SLC12A4: variants seen among roughly 807,000 people sequenced by gnomAD.
SLC12A4 encodes the protein electroneutral potassium-chloride cotransporter 1.
Under a neutral mutation model 119.2 loss-of-function variants are expected in SLC12A4, and 84 were observed. The ratio of observed to expected loss-of-function variants is 0.70; its 90% CI spans 0.59 to 0.85. The LOEUF (loss-of-function observed/expected upper bound fraction) is 0.85, where lower values mean the gene tolerates loss of function less well. Ranked by LOEUF, SLC12A4 falls within the 40% of genes least tolerant of loss-of-function variation. The probability of loss-of-function intolerance (pLI) is 0.00; values close to 1 mark genes in which losing one functional copy is unlikely to be tolerated. For missense variants in SLC12A4, 1,298 were observed against 1,476.3 expected (o/e 0.88, Z 1.98); for synonymous variants, 599 against 604.6 (o/e 0.99, Z 0.14).
Position 67,944,393 on chromosome 16 carries a change from G to C in SLC12A4, c.*447C>G. ...AGCTCAGCTGTCTCCATTCGGCTCA[G>C]CTTGGTGGGGGGCCCTGCCCATAGT... On this transcript the variant is annotated 3_prime_UTR_variant, in exon 24 of 24. Transcript: ENST00000316341. This position sits in a 1 kb window ranked among gnomAD's most constrained non-coding sequence, Gnocchi z 6.6. The C allele has an allele frequency of 7.6e-7, 1 of 1,318,344 alleles. No homozygotes were observed. The highest frequency in any genetic ancestry group is 9.7e-7 in the Non-Finnish European group (1 of 1,033,914). The allele number at this position is 1,318,344 out of a possible 1,614,324, so 81.7% of individuals were successfully genotyped here. A position where few individuals can be genotyped will look rare whatever the true frequency, so the allele number is the denominator to read the frequency against.
intron 3 of SLC12A4, among the ~76,000 whole-genome samples, chr16:67,959,762 T>A (rs553731678): frequency 6.6e-6 from 1 of 152,294 alleles, no homozygotes; most frequent in South Asian, 2.1e-4. Context: ...GCTTTCTGCA[T>A]CCCCAAATAA....
chr16:67,953,846 A>G (rs60981850), intron 6 of SLC12A4, among the ~76,000 whole-genome samples: 8,352 of 152,316 alleles, frequency 0.055, 663 homozygotes, highest in African/African-American at 0.18. Flanking sequence ...GTAAATATCC[A>G]GAAGTCCATA....
chr16:67,967,418 GCTGTGAGAAT>G, intron 1 of SLC12A4, among the ~76,000 whole-genome samples: 1 of 152,320 alleles, frequency 6.6e-6, no homozygotes, highest in South Asian at 2.1e-4. Flanking sequence ...GGAAACAGGG[GCTGTGAGAAT>G]GCCCTGACCT....
intron 3 of SLC12A4, among the ~76,000 whole-genome samples, chr16:67,959,507 G>A (rs2030450528): frequency 6.6e-6 from 1 of 152,146 alleles, no homozygotes; most frequent in South Asian, 2.1e-4. Context: ...CCTGGCCTGG[G>A]GCAAGACCTG....
rs1346420400 is a variant in SLC12A4 at position 67,947,738 on chromosome 16, G to A, written c.1898C>T (p.Ser633Phe). The change falls in exon 15 of 24, where the codon TCC becomes TTC. Residue 633 changes from serine (S) to phenylalanine (F), a missense_variant. By Grantham distance (155) the Ser-to-Phe change is radical. Transcript: ENST00000316341. ...GGCCACCAGGGCATAGTACCAGGAGGAGACAAACATAAGGGCCAGGCAGAG... is the reference window on the plus strand; with the variant it reads ...GGCCACCAGGGCATAGTACCAGGAGAAGACAAACATAAGGGCCAGGCAGAG... Reference protein sequence around the residue: ...MSLCLALMFVSSWYYALVAML... With the variant: ...MSLCLALMFVFSWYYALVAML... 2.5e-6 allele frequency: 4 copies of A among 1,601,002 alleles called. No homozygotes were observed. Among genetic ancestry groups the A allele is most frequent in the Admixed American group, 3.4e-5 (2 of 58,046 alleles).
rs201767147 is a variant in SLC12A4, at chr16:67,966,831, G to C, written c.115+1608C>G. 1.8e-5 allele frequency: 28 copies of C among 1,548,758 alleles called. 1 individual carries two copies. The East Asian group carries it at 5.4e-4, about 30-fold the overall frequency. ...AGTAAGAGGAGGAGAAAGAGGAAGG[G>C]AGGCAGTGGGAGGAGCTGGCCTAGC... On this transcript the variant is annotated intron_variant, in intron 1 of 23. Transcript: ENST00000316341.
At chr16:67,959,473 T>C (rs1036718122) in intron 3 of SLC12A4, among the ~76,000 whole-genome samples, 4 of 152,162 alleles carry the variant, frequency 2.6e-5, no homozygotes, top group Non-Finnish European at 5.9e-5. Context: ...TTAGACAAGT[T>C]CCTTAATGCC....
chr16:67,957,677 A>T, intron 5 of SLC12A4, 65 bp downstream of exon 5: 1 of 1,592,334 alleles, frequency 6.3e-7, no homozygotes, highest in East Asian at 2.2e-5. Flanking sequence ...GGGGGTTCCC[A>T]GGTAGGTCAA....
chr16:67,944,507 A>G lies in SLC12A4; in HGVS notation c.*333T>C. On this transcript the variant is annotated 3_prime_UTR_variant, in exon 24 of 24. Coordinates refer to ENST00000316341, the MANE Select transcript of SLC12A4 (RefSeq NM_005072.5). This position sits in a 1 kb window ranked among gnomAD's most constrained non-coding sequence, Gnocchi z 6.6. ...CGTCTCTGATGGTGACATCCAAACA[A>G]TAAATATGCAATAAATAGCGCTCCT... is the stretch of plus-strand genomic sequence containing the variant. The G allele has an allele frequency of 1.6e-6, 2 of 1,251,374 alleles. No individual in the cohort carries two copies. Among genetic ancestry groups the G allele is most frequent in the Non-Finnish European group, 2.0e-6 (2 of 994,700 alleles). 77.5% of individuals were successfully genotyped at this position (1,251,374 alleles called of 1,614,324 possible).
chr16:67,944,334 A>G lies in SLC12A4; in HGVS notation c.*506T>C, dbSNP rs1028605577. ...GAGCCGGGGCAGCAGGAGGCCCAGA[A>G]CTACACAATGTTTTATTGAAAAAGT... On this transcript the variant is annotated 3_prime_UTR_variant, in exon 24 of 24. Transcript: ENST00000316341. This position sits in a 1 kb window ranked among gnomAD's most constrained non-coding sequence, Gnocchi z 6.6. 1 of 1,390,098 alleles carries G rather than the reference A, an allele frequency of 7.2e-7. No individual in the cohort carries two copies. The highest frequency in any genetic ancestry group is 1.5e-5 in the African/African-American group (1 of 68,906). 86.1% of individuals were successfully genotyped at this position (1,390,098 alleles called of 1,614,324 possible).
At chr16:67,966,785 G>A (rs2030887486) in intron 1 of SLC12A4, 5 of 1,551,290 alleles carry the variant, frequency 3.2e-6, no homozygotes, top group Non-Finnish European at 4.4e-6. Context: ...CCTGTAGACA[G>A]CCAAGGTCTG....
chr16:67,968,560 G>A lies in SLC12A4; in HGVS notation c.-7C>T. ...CCACGGTGAAGTGAGGCATCGTGCG[G>A]GCTCGGCCCCGCCGCACCCGCCGTC... On this transcript the variant is annotated 5_prime_UTR_variant, in exon 1 of 24. Coordinates refer to ENST00000316341, the MANE Select transcript of SLC12A4 (RefSeq NM_005072.5). 1 of 1,519,370 alleles carries A rather than the reference G, an allele frequency of 6.6e-7. No individual in the cohort carries two copies. The highest frequency in any genetic ancestry group is 8.8e-7 in the Non-Finnish European group (1 of 1,139,030). 94.1% of individuals were successfully genotyped at this position (1,519,370 alleles called of 1,614,324 possible).
At position 67,945,890 on chromosome 16, in the gene SLC12A4, G is replaced by A. The variant is rs201218685; in HGVS notation, c.2740-19C>T. 3.4e-5 allele frequency: 55 copies of A among 1,613,460 alleles called. No homozygotes were observed. The highest frequency in any genetic ancestry group is 2.3e-4 in the South Asian group (21 of 91,084). ...TGTTATGCTGGGGACAGGGTTGGCC[G>A]TGAGGACCCAGCTGCACGGGACATG... On this transcript the variant is annotated intron_variant, in intron 20 of 23. Transcript: ENST00000316341.
chr16:67,952,384 A>G lies in SLC12A4; in HGVS notation c.717T>C (p.Gly239=). ...AAGTGGCATTCGACGTGTCATGAGC[A>G]CCCGATGGGTAAAAAATGGCAGCTG... is the stretch of plus-strand genomic sequence containing the variant. The part of the protein sequence containing the change: ...APPAAIFYPS[G]AHDTSNATLN... The change falls in exon 7 of 24, where the codon GGT becomes GGC. Residue 239 remains glycine, a synonymous_variant. Coordinates refer to ENST00000316341, the MANE Select transcript of SLC12A4 (RefSeq NM_005072.5). 2 of 1,614,144 alleles carry G rather than the reference A, an allele frequency of 1.2e-6. No individual in the cohort carries two copies. Among genetic ancestry groups the G allele is most frequent in the South Asian group, 2.2e-5 (2 of 91,080 alleles).
chr16:67,967,585 G>T (rs2030921086), intron 1 of SLC12A4, among the ~76,000 whole-genome samples: 1 of 152,186 alleles, frequency 6.6e-6, no homozygotes, highest in African/African-American at 2.4e-5. Context: ...CCTCTGGGGG[G>T]CCTCCTGGGG....
intron 3 of SLC12A4, among the ~76,000 whole-genome samples, chr16:67,960,488 G>A (rs2151336450): frequency 6.6e-6 from 1 of 151,946 alleles, no homozygotes; most frequent in Admixed American, 6.6e-5. Flanking sequence ...CTTCAGTGGG[G>A]TCTACCTTCT....
In SLC12A4 at chr16:67,968,620, G is replaced by A. The variant is rs1260858501; in HGVS notation, c.-67C>T. 1.7e-5 allele frequency: 23 copies of A among 1,315,004 alleles called. No individual in the cohort carries two copies. The highest frequency in any genetic ancestry group is 2.2e-5 in the South Asian group (1 of 45,364). 81.5% of individuals were successfully genotyped at this position (1,315,004 alleles called of 1,614,324 possible). ...CGCCGCTGTCCCCGCCGCTGTCCCC[G>A]CCGCCCCGGGCCGACACGCCCCGCC... On this transcript the variant is annotated 5_prime_UTR_variant, in exon 1 of 24. Transcript: ENST00000316341.
Position 67,947,719 on chromosome 16 carries a change from C to T in SLC12A4, c.1917G>A (p.Leu639=). The T allele has an allele frequency of 1.2e-6, 2 of 1,600,034 alleles. No homozygotes were observed. The highest frequency in any genetic ancestry group is 1.7e-6 in the Non-Finnish European group (2 of 1,173,570). ...LMFVSSWYYA[L]VAMLIAGMIY... is the part of the protein sequence containing the mutation. ...TCATGCCGGCGATGAGCATGGCCAC[C>T]AGGGCATAGTACCAGGAGGAGACAA... The change falls in exon 15 of 24, where the codon CTG becomes CTA. Residue 639 remains leucine, a synonymous_variant. Transcript: ENST00000316341.
rs926047267 is a variant in SLC12A4 at position 67,950,147 on chromosome 16, G to A, written c.1629+172C>T. On this transcript the variant is annotated intron_variant, in intron 12 of 23. Transcript: ENST00000316341. This position sits in a 1 kb window ranked among gnomAD's most constrained non-coding sequence, Gnocchi z 4.3. ...AGATTCTGGGTCCAGGCAGCTCCAG[G>A]CCCAGGTGAGTGCCAGGCCCAGGGC... The A allele has an allele frequency of 5.1e-6, 4 of 779,998 alleles. No homozygotes were observed. The highest frequency in any genetic ancestry group is 3.5e-5 in the African/African-American group (2 of 57,132). The allele number at this position is 779,998 out of a possible 1,614,324, so 48.3% of individuals were successfully genotyped here. A position where few individuals can be genotyped will look rare whatever the true frequency, so the allele number is the denominator to read the frequency against.
Sources: gnomAD v4.1 joint callset for allele counts (sites outside exome capture counted in the v4.1 genomes callset) on GRCh38, gnomAD v4.1.1 for gene constraint, Gnocchi (gnomAD v3.1) non-coding constraint, MANE v1.5 for transcripts, NCBI Gene and HGNC (gene_info 2026-07-23, HGNC 2026-07-21) for gene names.